CERS6: variants seen among roughly 807,000 people sequenced by gnomAD.
CERS6 encodes ceramide synthase 6, also known as LAG1 homolog, ceramide synthase 6.
CERS6 carries 26 observed loss-of-function variants against 56.8 expected under a neutral mutation model. The ratio of observed to expected loss-of-function variants is 0.46; its 90% confidence interval spans 0.34 to 0.63. The LOEUF is 0.63. Among genes scored for constraint, CERS6 ranks in the 30% least tolerant of loss-of-function variants. CERS6 has a pLI of 0.01. For missense variants in CERS6, 415 were observed against 467.5 expected (o/e 0.89, Z 1.04); for synonymous variants, 164 against 173.3 (o/e 0.95, Z 0.42).
chr2:168,761,343 G>A (rs1227607335), intron 8 of CERS6, among the ~76,000 whole-genome samples: 2 of 151,984 alleles, frequency 1.3e-5, no homozygotes, highest in East Asian at 1.9e-4. Flanking sequence ...ATGCCATGTC[G>A]CCAACGACTG....
chr2:168,569,770 T>C (rs1203847105), intron 3 of CERS6, among the ~76,000 whole-genome samples: 1 of 152,154 alleles, frequency 6.6e-6, no homozygotes, highest in Non-Finnish European at 1.5e-5. Flanking sequence ...ATTGGAGTCT[T>C]CTCTCTGATA....
chr2:168,470,929 G>A (rs1693965197), intron 1 of CERS6, among the ~76,000 whole-genome samples: 1 of 151,196 alleles, frequency 6.6e-6, no homozygotes, highest in South Asian at 2.1e-4. Context: ...TGAGAACAGT[G>A]CTAGGAAATT....
At position 168,662,719 on chromosome 2, in the gene CERS6, C is replaced by T. The variant is rs140258749; in HGVS notation, c.466-28315C>T. Among the ~76,000 whole-genome samples the T allele has an allele frequency of 6.1e-3, 920 of 151,834 alleles. 8 individuals are homozygous for T. Among genetic ancestry groups the T allele is most frequent in the African/African-American group, 0.021 (872 of 41,222 alleles). On this transcript the variant is annotated intron_variant, in intron 4 of 9. Transcript: ENST00000305747. ...TGCACTCCAGCCTGGGCGACAAGAG[C>T]GAAACCCTGTCTCAAACAAACAAAC...
At chr2:168,704,288 C>A (rs1686877519) in intron 6 of CERS6, among the ~76,000 whole-genome samples, 1 of 152,086 alleles carries the variant, frequency 6.6e-6, no homozygotes, top group African/African-American at 2.4e-5. Context: ...TACAGAGAGC[C>A]ACGCGGTGCT....
chr2:168,468,921 A>G (rs1479663857), intron 1 of CERS6, among the ~76,000 whole-genome samples: 3 of 152,212 alleles, frequency 2.0e-5, no homozygotes, highest in Non-Finnish European at 4.4e-5. Flanking sequence ...GTGTACATTA[A>G]TATTTAGACA....
At chr2:168,655,426 C>T (rs1253412673) in intron 4 of CERS6, among the ~76,000 whole-genome samples, 3 of 152,226 alleles carry the variant, frequency 2.0e-5, no homozygotes, top group Non-Finnish European at 2.9e-5. Flanking sequence ...GATACCTGCA[C>T]TCCCATTCTC....
chr2:168,718,033 G>C lies in CERS6; in HGVS notation c.845+55G>C, dbSNP rs1418097659. 4 of 1,294,112 alleles carry C rather than the reference G, an allele frequency of 3.1e-6. No homozygotes were observed. In the East Asian group the frequency reaches 9.5e-5, roughly 31 times the overall value. The allele number at this position is 1,294,112 out of a possible 1,614,324, so 80.2% of individuals were successfully genotyped here. A position where few individuals can be genotyped will look rare whatever the true frequency, so the allele number is the denominator to read the frequency against. ...GCCACCCTTTCCAAATAAGCTTTCTGAACCATTTTCCTTTTGAATTTTACT... is the reference window on the plus strand; with the variant it reads ...GCCACCCTTTCCAAATAAGCTTTCTCAACCATTTTCCTTTTGAATTTTACT... On this transcript the variant is annotated intron_variant, in intron 8 of 9. Coordinates refer to ENST00000305747, the MANE Select transcript of CERS6 (RefSeq NM_203463.3).
chr2:168,569,581 T>C lies in CERS6; in HGVS notation c.407+8259T>C, dbSNP rs530654817. On this transcript the variant is annotated intron_variant, in intron 3 of 9. Transcript: ENST00000305747. ...TACTCCTAGGCCATTCAGTTCAGCC[T>C]GGTTCAGTTCTCTGTGTTCACCTAG... is the stretch of plus-strand genomic sequence containing the variant. 1.4e-4 allele frequency among the ~76,000 whole-genome samples: 21 copies of C among 152,396 alleles called. 1 individual carries two copies. The South Asian group carries it at 3.7e-3, about 27-fold the overall frequency.
At chr2:168,527,354 G>A (rs933850894) in intron 1 of CERS6, among the ~76,000 whole-genome samples, 3 of 152,058 alleles carry the variant, frequency 2.0e-5, no homozygotes, top group South Asian at 2.1e-4. Flanking sequence ...TGTTGCAGTC[G>A]ATTAACCTAT....
intron 3 of CERS6, among the ~76,000 whole-genome samples, chr2:168,602,126 T>A (rs1275319973): frequency 1.3e-5 from 2 of 152,140 alleles, no homozygotes; most frequent in Non-Finnish European, 1.5e-5. Flanking sequence ...GAAGTGAGGG[T>A]TGCAGATAGC....
chr2:168,568,862 A>G (rs1056480505), intron 3 of CERS6, among the ~76,000 whole-genome samples: 1 of 152,252 alleles, frequency 6.6e-6, no homozygotes, highest in Non-Finnish European at 1.5e-5. Flanking sequence ...GTTTGTGAGA[A>G]GAATGGGTTA....
chr2:168,462,821 A>G (rs1465746284), intron 1 of CERS6, among the ~76,000 whole-genome samples: 1 of 152,164 alleles, frequency 6.6e-6, no homozygotes, highest in Non-Finnish European at 1.5e-5. Context: ...TGTGTGAGTC[A>G]CTGCAGCTGG....
At chr2:168,542,030 C>T (rs1176774160) in intron 1 of CERS6, among the ~76,000 whole-genome samples, 1 of 152,124 alleles carries the variant, frequency 6.6e-6, no homozygotes, top group Non-Finnish European at 1.5e-5. Flanking sequence ...ACAGAGAGGT[C>T]ACTCTTTACT....
At chr2:168,511,224 A>G (rs1233968919) in intron 1 of CERS6, among the ~76,000 whole-genome samples, 2 of 152,156 alleles carry the variant, frequency 1.3e-5, no homozygotes, top group East Asian at 1.9e-4. Context: ...TCATGATTTA[A>G]TTCTACATTT....
At chr2:168,561,374 C>T in intron 3 of CERS6, 52 bp downstream of exon 3, 7 of 1,604,542 alleles carry the variant, frequency 4.4e-6, no homozygotes, top group Non-Finnish European at 6.0e-6. Context: ...CTCATGCCAA[C>T]CCTGAGGTGA....
At chr2:168,663,111 G>A (rs1281261492) in intron 4 of CERS6, among the ~76,000 whole-genome samples, 1 of 152,216 alleles carries the variant, frequency 6.6e-6, no homozygotes, top group Non-Finnish European at 1.5e-5. Flanking sequence ...TTAGCACCAT[G>A]TGGTTCTCTC....
rs1553503146 is a variant in CERS6, at chr2:168,645,116, A to AAATATATATAT, written c.465+14075_465+14076insATATATATATA. Among the ~76,000 whole-genome samples, 10 of 19,032 alleles carry AAATATATATAT rather than the reference A, an allele frequency of 5.3e-4. 3 individuals are homozygous for AAATATATATAT. The highest frequency in any genetic ancestry group is 8.2e-4 in the Admixed American group (1 of 1,222). The allele number at this position is 19,032 out of a possible 152,430, so 12.5% of individuals were successfully genotyped here. A position where few individuals can be genotyped will look rare whatever the true frequency, so the allele number is the denominator to read the frequency against. ...AAAAAAAAAAAAAAAAAAAAAAAAA[A>AAATATATATAT]ATATATATATATATATATATATATA... On this transcript the variant is annotated intron_variant, in intron 4 of 9. Coordinates refer to ENST00000305747, the MANE Select transcript of CERS6 (RefSeq NM_203463.3).
chr2:168,705,783 C>T (rs903854676), intron 6 of CERS6, among the ~76,000 whole-genome samples: 3 of 151,902 alleles, frequency 2.0e-5, no homozygotes, highest in Admixed American at 6.6e-5. Flanking sequence ...GTTTTCAGCC[C>T]GAATGGGTTT....
chr2:168,679,194 C>G (rs914232775), intron 4 of CERS6, among the ~76,000 whole-genome samples: 1 of 152,004 alleles, frequency 6.6e-6, no homozygotes, highest in Admixed American at 6.5e-5. Flanking sequence ...GGTGGGGAGA[C>G]GTTTGTCAAC....
Sources: allele counts gnomAD v4.1 joint callset (sites outside exome capture counted in the v4.1 genomes callset), GRCh38; gene constraint gnomAD v4.1.1; transcripts MANE v1.5; gene names NCBI Gene and HGNC (gene_info 2026-07-23, HGNC 2026-07-21).